The following KBTBD12 variants were observed in gnomAD, a reference collection of about 807,000 sequenced individuals.
KBTBD12 encodes kelch repeat and BTB domain containing 12, also known as kelch repeat and BTB domain-containing protein 12.
A neutral mutation model predicts 58.7 loss-of-function variants in KBTBD12; 53 were observed. The observed-to-expected ratio is 0.90, with a 90% CI of 0.72 to 1.14. KBTBD12 has a LOEUF of 1.14. Among genes scored for constraint, KBTBD12 ranks in the 50% most tolerant of loss-of-function variants. KBTBD12 has a pLI of 0.00. For synonymous variants in KBTBD12, 236 were observed against 259.8 expected, an observed-to-expected ratio of 0.91 and a Z score of 0.88; for missense variants, 704 against 751.3, an observed-to-expected ratio of 0.94 and a Z score of 0.74.
chr3:127,966,407 G>T (rs1940571272), intron 5 of KBTBD12, among the ~76,000 whole-genome samples: 1 of 152,194 alleles, frequency 6.6e-6, no homozygotes, highest in Non-Finnish European at 1.5e-5. Context: ...CAAACTGGAG[G>T]AAACAGAGGC....
rs538638011 is a variant in KBTBD12, at chr3:127,930,204, A to G, written c.1413A>G (p.Gln471=). 12 of 1,608,560 alleles carry G rather than the reference A, an allele frequency of 7.5e-6. No homozygotes were observed. Among genetic ancestry groups the G allele is most frequent in the South Asian group, 5.6e-5 (5 of 89,954 alleles). ...KLLQYDPSQD[Q]WSVRAPMKYS... ...TGCAGTATGACCCCAGCCAAGATCA[A>G]TGGAGTGTGCGGGCACCCATGAAGT... Residue 471 remains glutamine (Q), a synonymous_variant, in exon 4 of 6, where the codon CAA becomes CAG. Transcript: ENST00000405109.
At chr3:127,980,487 GC>G (rs1188929767) in intron 5 of KBTBD12, among the ~76,000 whole-genome samples, 1 of 151,994 alleles carries the variant, frequency 6.6e-6, no homozygotes, top group Non-Finnish European at 1.5e-5. Context: ...GCGCTACCAC[GC>G]CCAGCTAATT....
At chr3:127,957,007 C>T (rs1354152103) in intron 4 of KBTBD12, among the ~76,000 whole-genome samples, 1 of 152,170 alleles carries the variant, frequency 6.6e-6, no homozygotes, top group East Asian at 1.9e-4. Flanking sequence ...TATTTTAAAA[C>T]AGTATAAAGA....
At chr3:127,963,502 G>A in intron 5 of KBTBD12, 116 bp downstream of exon 5, 2 of 1,012,200 alleles carry the variant, frequency 2.0e-6, no homozygotes, top group Non-Finnish European at 2.8e-6. Flanking sequence ...CAAAAGCATG[G>A]CTTTTAGAGT....
chr3:127,939,645 G>GT (rs1559765379), intron 4 of KBTBD12, among the ~76,000 whole-genome samples: 1 of 151,864 alleles, frequency 6.6e-6, no homozygotes, highest in Admixed American at 6.6e-5. Context: ...CATTGAGATG[G>GT]AAGACTGAAA....
chr3:127,925,383 G>C (rs1309406615), intron 2 of KBTBD12, among the ~76,000 whole-genome samples: 1 of 152,188 alleles, frequency 6.6e-6, no homozygotes, highest in Non-Finnish European at 1.5e-5. Flanking sequence ...TTTTACACTT[G>C]CTCTTGGTTG....
At chr3:127,957,225 C>A (rs1373096245) in intron 4 of KBTBD12, among the ~76,000 whole-genome samples, 3 of 152,150 alleles carry the variant, frequency 2.0e-5, no homozygotes, top group African/African-American at 7.2e-5. Flanking sequence ...CACTTAGACA[C>A]AAGATAAATA....
chr3:127,937,063 A>AT (rs1263299483), intron 4 of KBTBD12, among the ~76,000 whole-genome samples: 29 of 152,246 alleles, frequency 1.9e-4, no homozygotes, highest in African/African-American at 6.7e-4. Context: ...ATGCATCTTT[A>AT]TCCTAGACCT....
At chr3:127,938,616 T>C (rs545023398) in intron 4 of KBTBD12, among the ~76,000 whole-genome samples, 13 of 152,238 alleles carry the variant, frequency 8.5e-5, no homozygotes, top group African/African-American at 3.1e-4. Context: ...AATGCTTCAG[T>C]TAAAAGGCAA....
At chr3:127,936,135 G>A (rs1163451134) in intron 4 of KBTBD12, among the ~76,000 whole-genome samples, 1 of 152,196 alleles carries the variant, frequency 6.6e-6, no homozygotes, top group Non-Finnish European at 1.5e-5. Flanking sequence ...GGAGGCCGAG[G>A]TAGGCGGATC....
At chr3:127,961,417 C>T (rs977922728) in intron 4 of KBTBD12, among the ~76,000 whole-genome samples, 12 of 152,174 alleles carry the variant, frequency 7.9e-5, no homozygotes, top group Non-Finnish European at 1.8e-4. Context: ...GAGAAGGCAG[C>T]TAAAAGCCTC....
intron 5 of KBTBD12, among the ~76,000 whole-genome samples, chr3:127,980,487 G>A (rs995706344): frequency 2.0e-5 from 3 of 151,994 alleles, no homozygotes; most frequent in Non-Finnish European, 4.4e-5. Flanking sequence ...GCGCTACCAC[G>A]CCCAGCTAAT....
intron 5 of KBTBD12, among the ~76,000 whole-genome samples, chr3:127,974,557 T>A (rs921581281): frequency 6.6e-6 from 1 of 152,160 alleles, no homozygotes; most frequent in African/African-American, 2.4e-5. Context: ...TAAGATCCCA[T>A]CCCCAAATCC....
chr3:127,943,302 C>T (rs1318339252), intron 4 of KBTBD12, among the ~76,000 whole-genome samples: 1 of 152,146 alleles, frequency 6.6e-6, no homozygotes, highest in African/African-American at 2.4e-5. Flanking sequence ...TTTCCATTCC[C>T]ATCAACAGTG....
chr3:127,941,619 C>T (rs1043948509), intron 4 of KBTBD12, among the ~76,000 whole-genome samples: 1 of 152,172 alleles, frequency 6.6e-6, no homozygotes, highest in Non-Finnish European at 1.5e-5. Flanking sequence ...TGGAGTCTCA[C>T]TCTGTTGCCT....
chr3:127,965,068 A>G (rs1001214953), intron 5 of KBTBD12, among the ~76,000 whole-genome samples: 4 of 152,240 alleles, frequency 2.6e-5, no homozygotes, highest in Non-Finnish European at 5.9e-5. Context: ...AGCAACTCCC[A>G]TATTCTGGCC....
intron 3 of KBTBD12, 85 bp downstream of exon 3, chr3:127,928,119 TAA>T (rs770339784): frequency 6.8e-6 from 8 of 1,168,276 alleles, no homozygotes; most frequent in African/African-American, 1.5e-5. Flanking sequence ...TGTTGAATGC[TAA>T]AAGAGTGTGA....
intron 1 of KBTBD12, among the ~76,000 whole-genome samples, chr3:127,919,433 T>C (rs1939344084): frequency 6.6e-6 from 1 of 152,216 alleles, no homozygotes; most frequent in African/African-American, 2.4e-5. Flanking sequence ...TTTCACCATG[T>C]TGGTCAGGCT....
intron 5 of KBTBD12, among the ~76,000 whole-genome samples, chr3:127,982,008 G>A (rs748179811): frequency 8.6e-5 from 13 of 151,990 alleles, no homozygotes; most frequent in Non-Finnish European, 1.2e-4. Context: ...TTAAATAGGC[G>A]TCCAAGCTGG....
Sources: gnomAD v4.1 joint callset for allele counts (sites outside exome capture counted in the v4.1 genomes callset) on GRCh38, gnomAD v4.1.1 for gene constraint, MANE v1.5 for transcripts, NCBI Gene and HGNC (gene_info 2026-07-23, HGNC 2026-07-21) for gene names.